The following LINGO2 variants were observed in gnomAD, a reference collection of about 807,000 sequenced individuals.
LINGO2 encodes leucine-rich repeat and immunoglobulin-like domain-containing nogo receptor-interacting protein 2.
LINGO2 carries 14 observed loss-of-function variants against 30.6 expected under a neutral mutation model. The observed-to-expected ratio is 0.46, with a 90% CI of 0.30 to 0.72. The LOEUF (loss-of-function observed/expected upper bound fraction) is 0.72, where lower values mean the gene tolerates loss of function less well. Ranked by LOEUF, LINGO2 falls within the 30% of genes least tolerant of loss-of-function variation. The pLI, the probability that LINGO2 is intolerant of heterozygous loss-of-function variation, is 0.07. For missense variants in LINGO2, 729 were observed against 751.7 expected (o/e 0.97, Z 0.35); for synonymous variants, 317 against 288.5 (o/e 1.10, Z -1.00).
chr9:28,659,401 C>A lies in LINGO2; in HGVS notation c.-365+10799G>T, dbSNP rs115599634. On this transcript the variant is annotated intron_variant, in intron 1 of 5. Coordinates refer to ENST00000379992, the Ensembl canonical transcript of LINGO2. The stretch of plus-strand genomic sequence containing the variant: ...ATATTGCAGGAGGAAAGATTACCTT[C>A]TTCAAAGACAGCAATAGCTTGACAG... 3.0e-3 allele frequency among the ~76,000 whole-genome samples: 462 copies of A among 152,046 alleles called. 3 individuals are homozygous for A. Among genetic ancestry groups the A allele is most frequent in the African/African-American group, 0.011 (448 of 41,536 alleles).
chr9:28,469,931 T>A (rs1277438316), intron 2 of LINGO2, among the ~76,000 whole-genome samples: 1 of 152,102 alleles, frequency 6.6e-6, no homozygotes, highest in Non-Finnish European at 1.5e-5. Flanking sequence ...GAAATAAGAG[T>A]ATTATTGTAA....
chr9:28,279,467 C>G (rs1337837308), intron 4 of LINGO2, among the ~76,000 whole-genome samples: 1 of 152,134 alleles, frequency 6.6e-6, no homozygotes, highest in Non-Finnish European at 1.5e-5. Flanking sequence ...CTGATCTCAT[C>G]ACTCTGATCA....
chr9:28,245,239 T>C (rs1821954777), intron 4 of LINGO2, among the ~76,000 whole-genome samples: 1 of 152,174 alleles, frequency 6.6e-6, no homozygotes, highest in African/African-American at 2.4e-5. Context: ...GAAAAGGCCT[T>C]CAATAAAATT....
At chr9:28,188,950 T>A (rs1819643197) in intron 4 of LINGO2, among the ~76,000 whole-genome samples, 1 of 152,048 alleles carries the variant, frequency 6.6e-6, no homozygotes, top group Admixed American at 6.6e-5. Context: ...CTTCAGAAAC[T>A]GCTTAAGATT....
the LINGO2 span, among the ~76,000 whole-genome samples, chr9:28,790,325 C>CTTTTTTTTTTTTTTT: frequency 6.3e-4 from 67 of 106,262 alleles, 3 homozygotes; most frequent in African/African-American, 9.3e-4. Flanking sequence ...TCTTTTCTTT[C>CTTTTTTTTTTTTTTT]TTTTTTTTTT....
intron 5 of LINGO2, among the ~76,000 whole-genome samples, chr9:27,987,020 C>T (rs1328274345): frequency 1.2e-4 from 18 of 151,692 alleles, no homozygotes; most frequent in Admixed American, 1.1e-3. Flanking sequence ...CACTCCATCT[C>T]ACTTATGGTC....
Position 27,981,571 on chromosome 9 carries a change from A to AAAAAAAAAAG in LINGO2, c.-36+30774_-36+30783dup, listed in dbSNP as rs1343803253. On this transcript the variant is annotated intron_variant, in intron 5 of 5. Transcript: ENST00000379992. ...AAAAAGAAAAAAAAGAAAAAAAAAG[A>AAAAAAAAAAG]AAAAAAAAAGAAAAAAAATTTCCTA... Among the ~76,000 whole-genome samples, 514 of 73,900 alleles carry AAAAAAAAAAG rather than the reference A, an allele frequency of 7.0e-3. 5 individuals carry two copies. The highest frequency in any genetic ancestry group is 0.014 in the East Asian group (33 of 2,336). 48.5% of individuals were successfully genotyped at this position (73,900 alleles called of 152,430 possible).
At chr9:28,689,162 A>G in the LINGO2 span, among the ~76,000 whole-genome samples, 1 of 152,314 alleles carries the variant, frequency 6.6e-6, no homozygotes, top group East Asian at 1.9e-4. Context: ...GGAAGTTCAC[A>G]TGTCAAAGAA....
At chr9:28,202,207 A>G (rs1820261729) in intron 4 of LINGO2, among the ~76,000 whole-genome samples, 2 of 152,230 alleles carry the variant, frequency 1.3e-5, no homozygotes, top group East Asian at 1.9e-4. Context: ...AAATCAGCCT[A>G]TTTCTAAGGA....
the LINGO2 span, among the ~76,000 whole-genome samples, chr9:28,697,935 C>T: frequency 6.6e-6 from 1 of 152,084 alleles, no homozygotes; most frequent in Non-Finnish European, 1.5e-5. Flanking sequence ...AAACAAAGCA[C>T]ATGTAAAATT....
chr9:28,024,437 T>G (rs763737636), intron 4 of LINGO2, among the ~76,000 whole-genome samples: 15 of 152,090 alleles, frequency 9.9e-5, no homozygotes, highest in Admixed American at 2.6e-4. Flanking sequence ...ATCCAGTGGC[T>G]CTTCTTAGCT....
intron 3 of LINGO2, among the ~76,000 whole-genome samples, chr9:28,349,163 A>C: frequency 6.6e-6 from 1 of 152,236 alleles, no homozygotes; most frequent in Admixed American, 6.5e-5. Flanking sequence ...GACTTTGACG[A>C]GCTGAGAGAA....
chr9:28,849,391 A>G, the LINGO2 span, among the ~76,000 whole-genome samples: 1 of 152,156 alleles, frequency 6.6e-6, no homozygotes, highest in East Asian at 1.9e-4. Flanking sequence ...CATCTGTTTC[A>G]TCTAGAATGT....
chr9:28,455,747 T>C (rs982316160), intron 2 of LINGO2, among the ~76,000 whole-genome samples: 1 of 152,164 alleles, frequency 6.6e-6, no homozygotes, highest in Admixed American at 6.6e-5. Flanking sequence ...CATAAACTAT[T>C]ATGGCCTTCA....
chr9:28,723,227 T>C, the LINGO2 span, among the ~76,000 whole-genome samples: 1 of 152,260 alleles, frequency 6.6e-6, no homozygotes, highest in East Asian at 1.9e-4. Context: ...ACTTCTAATA[T>C]GCTCTCAGGT....
At chr9:29,007,960 G>T in the LINGO2 span, among the ~76,000 whole-genome samples, 6,276 of 152,032 alleles carry the variant, frequency 0.041, 199 homozygotes, top group Admixed American at 0.082. Context: ...AAGTTCTAGG[G>T]TACATGTGCA....
chr9:28,474,798 G>T (rs1350177484), intron 2 of LINGO2, among the ~76,000 whole-genome samples: 1 of 152,168 alleles, frequency 6.6e-6, no homozygotes, highest in South Asian at 2.1e-4. Context: ...GTATGGTCAG[G>T]CTGGTGTCAA....
chr9:28,054,662 T>C (rs1824835622), intron 4 of LINGO2, among the ~76,000 whole-genome samples: 1 of 152,166 alleles, frequency 6.6e-6, no homozygotes, highest in Non-Finnish European at 1.5e-5. Flanking sequence ...ACTTTGTCTT[T>C]TGGTCAACAG....
chr9:29,014,602 C>G, the LINGO2 span, among the ~76,000 whole-genome samples: 1 of 152,060 alleles, frequency 6.6e-6, no homozygotes, highest in African/African-American at 2.4e-5. Context: ...GCTCAAAACC[C>G]AGTTAATATG....
Sources: gnomAD v4.1 joint callset for allele counts (sites outside exome capture counted in the v4.1 genomes callset) on GRCh38, gnomAD v4.1.1 for gene constraint, MANE v1.5 for transcripts, NCBI Gene and HGNC (gene_info 2026-07-23, HGNC 2026-07-21) for gene names.